The following GCSAML variants were observed in gnomAD, a reference collection of about 807,000 sequenced individuals.
The protein encoded by GCSAML is germinal center associated signaling and motility like.
GCSAML carries 9 observed loss-of-function variants against 13.0 expected under a neutral mutation model. The observed-to-expected ratio is 0.69, with a 90% CI of 0.42 to 1.21. The LOEUF is 1.21. GCSAML is among the 50% of genes most tolerant of loss of function. The pLI is 0.00. For synonymous variants in GCSAML, 37 were observed against 52.9 expected (o/e 0.70, Z 1.31); for missense variants, 143 against 153.4 (o/e 0.93, Z 0.36).
chr1:247,521,921 G>A lies in GCSAML; in HGVS notation c.-262-5019G>A, dbSNP rs1434464249. Among the ~76,000 whole-genome samples the A allele has an allele frequency of 2.4e-4, 36 of 151,646 alleles. No individual in the cohort carries two copies. The South Asian group carries it at 3.8e-3, about 16-fold the overall frequency. ...AGCGCCTCTTCCTGGCCGCCATCCC[G>A]TCTAGGAAGTGAGGAGCGTCTCTGC... On this transcript the variant is annotated intron_variant, in intron 1 of 5. Transcript: ENST00000366489.
intron 4 of GCSAML, among the ~76,000 whole-genome samples, chr1:247,571,651 C>T (rs543203007): frequency 1.3e-5 from 2 of 152,260 alleles, no homozygotes; most frequent in South Asian, 2.1e-4. Flanking sequence ...TTCATTTCAA[C>T]GTCGGTGAAT....
At chr1:247,559,863 C>G (rs576610486) in intron 2 of GCSAML, among the ~76,000 whole-genome samples, 2 of 152,274 alleles carry the variant, frequency 1.3e-5, no homozygotes, top group African/African-American at 4.8e-5. Context: ...AGACACCAGT[C>G]ATACTGAAAT....
intron 2 of GCSAML, among the ~76,000 whole-genome samples, chr1:247,560,418 C>T (rs1408064965): frequency 6.6e-6 from 1 of 152,178 alleles, no homozygotes; most frequent in African/African-American, 2.4e-5. Context: ...CTCCTCACAA[C>T]TTAGTGAACG....
intron 2 of GCSAML, among the ~76,000 whole-genome samples, chr1:247,563,006 A>ATTTTTTT (rs35205676): frequency 1.5e-5 from 2 of 134,650 alleles, no homozygotes; most frequent in African/African-American, 2.8e-5. Context: ...TACCCAGCTC[A>ATTTTTTT]TTTTTTTTTT....
intron 1 of GCSAML, among the ~76,000 whole-genome samples, chr1:247,519,620 T>C (rs1666345271): frequency 6.6e-6 from 1 of 152,256 alleles, no homozygotes; most frequent in Admixed American, 6.5e-5. Context: ...AAACATTCGT[T>C]ATTCTAGGTT....
intron 2 of GCSAML, among the ~76,000 whole-genome samples, chr1:247,533,287 T>C (rs12566025): frequency 1 from 152,053 of 152,266 alleles, 75,920 homozygotes; most frequent in Middle Eastern, 1. Context: ...CCATGAAGGC[T>C]TCAGAAGCAA....
chr1:247,543,937 G>C (rs1446041326), intron 2 of GCSAML, among the ~76,000 whole-genome samples: 1 of 152,106 alleles, frequency 6.6e-6, no homozygotes, highest in Non-Finnish European at 1.5e-5. Flanking sequence ...CTGACTACAA[G>C]TGTGCGTCAC....
rs143624444 is a variant in GCSAML at position 247,516,365 on chromosome 1, G to A, written c.-263+9132G>A. Among the ~76,000 whole-genome samples, 260 of 152,314 alleles carry A rather than the reference G, an allele frequency of 1.7e-3. 1 individual carries two copies. Among genetic ancestry groups the A allele is most frequent in the African/African-American group, 5.8e-3 (239 of 41,564 alleles). ...AGCAATTAGCGAACACAGGTGATGAGTACTGAACAACTTGAGTAAATGATT... is the reference window on the plus strand; with the variant it reads ...AGCAATTAGCGAACACAGGTGATGAATACTGAACAACTTGAGTAAATGATT... On this transcript the variant is annotated intron_variant, in intron 1 of 5. Transcript: ENST00000366489.
chr1:247,570,590 T>G (rs920315038), intron 4 of GCSAML, among the ~76,000 whole-genome samples: 1 of 152,190 alleles, frequency 6.6e-6, no homozygotes, highest in East Asian at 1.9e-4. Flanking sequence ...TTATGATTTC[T>G]GTTCTTTTGC....
chr1:247,510,074 A>C (rs1558230632), intron 1 of GCSAML, among the ~76,000 whole-genome samples: 1 of 152,182 alleles, frequency 6.6e-6, no homozygotes, highest in Non-Finnish European at 1.5e-5. Context: ...TTCAGAAGGA[A>C]TGGCAGCAGC....
chr1:247,513,183 GC>G (rs1666101267), intron 1 of GCSAML, among the ~76,000 whole-genome samples: 1 of 152,220 alleles, frequency 6.6e-6, no homozygotes, highest in Admixed American at 6.5e-5. Context: ...TGGGGCTGTT[GC>G]CTTTCTTTCA....
In GCSAML at chr1:247,532,111, G is replaced by A. The variant is rs138735337; in HGVS notation, c.-148+5057G>A. 2.3e-3 allele frequency: 3,792 copies of A among 1,613,976 alleles called. 7 individuals are homozygous for A. The highest frequency in any genetic ancestry group is 3.1e-3 in the Non-Finnish European group (3,618 of 1,179,982). On this transcript the variant is annotated intron_variant, in intron 2 of 5. Transcript: ENST00000366489. ...GCAAAGCTGTGGATGCATAATGACA[G>A]TGTAATGGAGTGGCCTGCAGATGGC...
intron 2 of GCSAML, chr1:247,538,872 T>C (rs1364259623): frequency 2.6e-6 from 1 of 386,846 alleles, no homozygotes; most frequent in Non-Finnish European, 5.2e-6. Flanking sequence ...CTAATACAGA[T>C]GGCTAATGCA....
At position 247,550,008 on chromosome 1, in the gene GCSAML, T is replaced by G. The variant is rs574105047; in HGVS notation, c.29+788T>G. On this transcript the variant is annotated intron_variant, in intron 1 of 4. Coordinates refer to ENST00000366488, the MANE Select transcript of GCSAML (RefSeq NM_145278.5). ...TCATCATATCGCTCCTGTGCTCCAG[T>G]GGGTACCATGTAGAAATATGACTGG... 2.6e-3 allele frequency among the ~76,000 whole-genome samples: 391 copies of G among 152,256 alleles called. 4 individuals are homozygous for G. Among genetic ancestry groups the G allele is most frequent in the Non-Finnish European group, 1.4e-3 (96 of 68,026 alleles).
chr1:247,559,294 A>G (rs1182788610), intron 2 of GCSAML, among the ~76,000 whole-genome samples: 1 of 152,204 alleles, frequency 6.6e-6, no homozygotes, highest in Non-Finnish European at 1.5e-5. Flanking sequence ...TAGCTGAGAG[A>G]AATTAATCTA....
chr1:247,556,819 G>T (rs1250490904), intron 2 of GCSAML, among the ~76,000 whole-genome samples: 1 of 152,078 alleles, frequency 6.6e-6, no homozygotes, highest in Non-Finnish European at 1.5e-5. Context: ...GTCTCATTAT[G>T]CCTTTTCCTT....
At chr1:247,509,019 G>C (rs1171691253) in intron 1 of GCSAML, among the ~76,000 whole-genome samples, 1 of 152,130 alleles carries the variant, frequency 6.6e-6, no homozygotes, top group African/African-American at 2.4e-5. Flanking sequence ...TTTTAAAATA[G>C]TTTCTTCTAA....
intron 2 of GCSAML, chr1:247,531,759 C>T (rs1475761958): frequency 1.2e-6 from 2 of 1,614,180 alleles, no homozygotes; most frequent in Non-Finnish European, 1.7e-6. Context: ...TCCCGTAAAA[C>T]AGAGACACCA....
upstream of GCSAML, among the ~76,000 whole-genome samples, chr1:247,546,356 T>A (rs774382830): frequency 3.3e-5 from 5 of 151,720 alleles, no homozygotes; most frequent in East Asian, 1.9e-4. Flanking sequence ...GGTCTTTATT[T>A]TTTATTTATT....
Sources: gnomAD v4.1 joint callset for allele counts (sites outside exome capture counted in the v4.1 genomes callset) on GRCh38, gnomAD v4.1.1 for gene constraint, MANE v1.5 for transcripts, NCBI Gene and HGNC (gene_info 2026-07-23, HGNC 2026-07-21) for gene names.